Variants in PCMT1 observed in about 807,000 individuals in gnomAD.
PCMT1 encodes protein-L-isoaspartate (D-aspartate) O-methyltransferase.
A neutral mutation model predicts 29.2 loss-of-function variants in PCMT1; 9 were observed. The ratio of observed to expected loss-of-function variants is 0.31; its 90% CI spans 0.19 to 0.54. The LOEUF (loss-of-function observed/expected upper bound fraction) is 0.54, where lower values mean the gene tolerates loss of function less well. PCMT1 is among the 20% of genes least tolerant of loss of function. The probability of loss-of-function intolerance (pLI) is 0.95; values close to 1 mark genes in which losing one functional copy is unlikely to be tolerated. For synonymous variants in PCMT1, 98 were observed against 97.5 expected, an observed-to-expected ratio of 1.00 and a Z score of -0.03; for missense variants, 184 against 282.2, an observed-to-expected ratio of 0.65 and a Z score of 2.49.
At chr6:149,779,701 T>C (rs1159356545) in intron 3 of PCMT1, among the ~76,000 whole-genome samples, 1 of 151,922 alleles carries the variant, frequency 6.6e-6, no homozygotes, top group Non-Finnish European at 1.5e-5. Context: ...TCCCAGCTAC[T>C]CAGGAGCCTG....
chr6:149,782,332 G>T (rs572634301), intron 3 of PCMT1, among the ~76,000 whole-genome samples: 1 of 152,230 alleles, frequency 6.6e-6, no homozygotes, highest in South Asian at 2.1e-4. Flanking sequence ...AAGTGAGGAT[G>T]CAAAGAGAAA....
chr6:149,793,261 GTAC>G (rs1484767928), intron 4 of PCMT1, among the ~76,000 whole-genome samples: 7 of 151,166 alleles, frequency 4.6e-5, no homozygotes, highest in Non-Finnish European at 1.0e-4. Flanking sequence ...AAAAATTATT[GTAC>G]TACTATTAAA....
intron 7 of PCMT1, among the ~76,000 whole-genome samples, chr6:149,803,222 C>T (rs1288184346): frequency 6.6e-6 from 1 of 152,078 alleles, no homozygotes; most frequent in East Asian, 1.9e-4. Flanking sequence ...TCTGTTTCAA[C>T]CAAATCATAG....
At chr6:149,773,506 G>C (rs1787426108) in intron 3 of PCMT1, among the ~76,000 whole-genome samples, 1 of 152,148 alleles carries the variant, frequency 6.6e-6, no homozygotes, top group Non-Finnish European at 1.5e-5. Flanking sequence ...AGCCTCCCCA[G>C]GAGCTGGGAC....
At chr6:149,755,426 C>CAA (rs1014444748) in intron 1 of PCMT1, among the ~76,000 whole-genome samples, 1 of 135,860 alleles carries the variant, frequency 7.4e-6, no homozygotes, top group African/African-American at 2.7e-5. Context: ...TACTTTGTCT[C>CAA]AAAAAAAAAA....
intron 1 of PCMT1, among the ~76,000 whole-genome samples, chr6:149,766,670 G>A (rs185638350): frequency 1.1e-4 from 16 of 152,248 alleles, no homozygotes; most frequent in Admixed American, 9.8e-4. Flanking sequence ...GAGATTACAC[G>A]GCTTGCAAAT....
chr6:149,752,538 T>C (rs1475516112), intron 1 of PCMT1, among the ~76,000 whole-genome samples: 1 of 152,202 alleles, frequency 6.6e-6, no homozygotes, highest in Non-Finnish European at 1.5e-5. Flanking sequence ...AGGTTCATTT[T>C]ATGGAATGAT....
intron 5 of PCMT1, among the ~76,000 whole-genome samples, chr6:149,794,348 G>T (rs554101069): frequency 6.6e-6 from 1 of 152,102 alleles, no homozygotes; most frequent in Non-Finnish European, 1.5e-5. Context: ...GGCCAGGAGC[G>T]GTGGCTCACA....
At position 149,763,231 on chromosome 6, in the gene PCMT1, TATG is replaced by T. The variant is rs1233982188; in HGVS notation, c.56-7928_56-7926del. 3.8e-4 allele frequency among the ~76,000 whole-genome samples: 21 copies of T among 55,134 alleles called. 6 individuals carry two copies. The South Asian group carries it at 8.1e-3, about 21-fold the overall frequency. The allele number at this position is 55,134 out of a possible 152,430, so 36.2% of individuals were successfully genotyped here. A position where few individuals can be genotyped will look rare whatever the true frequency, so the allele number is the denominator to read the frequency against. ...CTATGATATCTATGATATAAATATC[TATG>T]ATATCTATGATATATATATCTATGA... On this transcript the variant is annotated intron_variant, in intron 1 of 7. Transcript: ENST00000464889.
intron 1 of PCMT1, chr6:149,765,606 A>G: frequency 3.6e-6 from 1 of 276,286 alleles, no homozygotes; most frequent in South Asian, 3.3e-5. Flanking sequence ...TGTTACTTGG[A>G]AAGTTTGTAT....
intron 1 of PCMT1, among the ~76,000 whole-genome samples, chr6:149,763,790 A>G (rs1387643272): frequency 2.0e-5 from 3 of 152,190 alleles, no homozygotes; most frequent in Non-Finnish European, 4.4e-5. Flanking sequence ...GAAGCTGCCT[A>G]ACCTGAAAAA....
intron 3 of PCMT1, among the ~76,000 whole-genome samples, chr6:149,785,784 TG>T (rs1243431013): frequency 2.0e-5 from 3 of 152,058 alleles, no homozygotes; most frequent in Non-Finnish European, 4.4e-5. Flanking sequence ...CAGAACAAAA[TG>T]AAAAGTCTCC....
At chr6:149,803,969 C>T (rs1455037974) in intron 7 of PCMT1, among the ~76,000 whole-genome samples, 2 of 149,616 alleles carry the variant, frequency 1.3e-5, no homozygotes, top group African/African-American at 4.9e-5. Context: ...TAGTCCCAGG[C>T]ACTCAGGAGG....
At chr6:149,771,294 T>G in intron 2 of PCMT1, 28 bp downstream of exon 2, 2 of 1,309,596 alleles carry the variant, frequency 1.5e-6, no homozygotes, top group Non-Finnish European at 2.2e-6. Context: ...GAAAATATCA[T>G]AGTTTTCATC....
intron 4 of PCMT1, among the ~76,000 whole-genome samples, chr6:149,792,239 C>T (rs926245148): frequency 4.0e-5 from 6 of 151,794 alleles, no homozygotes; most frequent in East Asian, 1.9e-4. Flanking sequence ...TGCTTGAGCC[C>T]GGGAGACAGA....
At chr6:149,771,340 G>A in intron 2 of PCMT1, 74 bp downstream of exon 2, 1 of 884,328 alleles carries the variant, frequency 1.1e-6, no homozygotes, top group Admixed American at 2.2e-5. Flanking sequence ...GAAAAAGCCT[G>A]GGACACAGAT....
intron 3 of PCMT1, among the ~76,000 whole-genome samples, chr6:149,783,130 C>T (rs1168814606): frequency 6.6e-6 from 1 of 152,044 alleles, no homozygotes; most frequent in Non-Finnish European, 1.5e-5. Flanking sequence ...TAGTACTCCA[C>T]ATATTATTAT....
chr6:149,802,083 C>T (rs1249928617), intron 6 of PCMT1, 117 bp from the exon 7 acceptor site: 15 of 609,226 alleles, frequency 2.5e-5, no homozygotes, highest in Non-Finnish European at 3.4e-5. Context: ...GAGCTGAGAT[C>T]GTGTCATTGC....
rs1583029396 is a variant in PCMT1, at chr6:149,778,904, T to G, written c.192+5735T>G. The stretch of plus-strand genomic sequence containing the variant: ...GTATATTACCTATTCAATAAGTGAT[T>G]AAAAAGAAAAGTTATAGTCTTAAGA... On this transcript the variant is annotated intron_variant, in intron 3 of 7. Transcript: ENST00000464889. 4.6e-5 allele frequency among the ~76,000 whole-genome samples: 7 copies of G among 152,280 alleles called. 1 individual carries two copies. The South Asian group carries it at 1.4e-3, about 32-fold the overall frequency.
Sources: allele counts gnomAD v4.1 joint callset (sites outside exome capture counted in the v4.1 genomes callset), GRCh38; gene constraint gnomAD v4.1.1; transcripts MANE v1.5; gene names NCBI Gene and HGNC (gene_info 2026-07-23, HGNC 2026-07-21).